Variants in SYTL5 observed in about 807,000 individuals in gnomAD.
SYTL5 encodes the protein synaptotagmin like 5.
Under a neutral mutation model 55.9 loss-of-function variants are expected in SYTL5, and 34 were observed. The observed-to-expected ratio is 0.61, with a 90% CI of 0.46 to 0.81. The LOEUF is 0.81. Ranked by LOEUF, SYTL5 falls within the 30% of genes least tolerant of loss-of-function variation. SYTL5 has a pLI of 0.00. For missense variants in SYTL5, 637 were observed against 546.7 expected (o/e 1.17, Z -1.65); for synonymous variants, 221 against 188.7 (o/e 1.17, Z -1.40).
intron 2 of SYTL5, among the ~76,000 whole-genome samples, chrX:38,038,485 A>G (rs1270224282): frequency 8.9e-6 from 1 of 112,427 alleles, no homozygotes; most frequent in Non-Finnish European, 1.9e-5. Flanking sequence ...TTATTACAAC[A>G]GTAAACTTTG....
At position 38,107,791 on chromosome X, in the gene SYTL5, G is replaced by C. The variant is rs1362343745; in HGVS notation, c.1335-809G>C. Among the ~76,000 whole-genome samples, 3 of 111,865 alleles carry C rather than the reference G, an allele frequency of 2.7e-5. No homozygotes were observed. The Admixed American group carries it at 2.8e-4, about 11-fold the overall frequency. The stretch of plus-strand genomic sequence containing the variant: ...AATGAGTGGATTTTGACTACAGATT[G>C]GTCCACCTGCCTCCTCAGCTACATT... On this transcript the variant is annotated intron_variant, in intron 11 of 16. Transcript: ENST00000297875.
the SYTL5 span, among the ~76,000 whole-genome samples, chrX:37,900,796 G>A: frequency 9.0e-6 from 1 of 111,063 alleles, no homozygotes; most frequent in African/African-American, 3.3e-5. Flanking sequence ...GGCAGGTAGT[G>A]TATTCTTATT....
the SYTL5 span, among the ~76,000 whole-genome samples, chrX:37,976,932 C>T: frequency 9.0e-6 from 1 of 111,121 alleles, no homozygotes; most frequent in Non-Finnish European, 1.9e-5. Context: ...CCACCGCACT[C>T]CAACCTGGGC....
At chrX:38,113,496 G>A (rs986156525) in intron 13 of SYTL5, among the ~76,000 whole-genome samples, 1 of 111,257 alleles carries the variant, frequency 9.0e-6, no homozygotes, top group African/African-American at 3.3e-5. Context: ...TTCTCACTCC[G>A]ATGGAAAGTG....
At chrX:37,928,804 T>G in the SYTL5 span, among the ~76,000 whole-genome samples, 2 of 112,635 alleles carry the variant, frequency 1.8e-5, no homozygotes, top group East Asian at 5.5e-4. Flanking sequence ...TCATTAAATT[T>G]TATTTTTTCT....
the SYTL5 span, among the ~76,000 whole-genome samples, chrX:37,897,819 C>T: frequency 2.7e-5 from 3 of 111,851 alleles, no homozygotes; most frequent in East Asian, 2.8e-4. Flanking sequence ...GTCTGGAGGC[C>T]GGGCACGGTG....
chrX:38,038,440 C>T (rs1289357593), intron 2 of SYTL5, among the ~76,000 whole-genome samples: 1 of 111,911 alleles, frequency 8.9e-6, no homozygotes, highest in Non-Finnish European at 1.9e-5. Flanking sequence ...TCCTCCAAAA[C>T]CATCAATACA....
the SYTL5 span, among the ~76,000 whole-genome samples, chrX:37,982,908 A>G: frequency 1.7e-3 from 185 of 111,607 alleles, no homozygotes; most frequent in African/African-American, 5.7e-3. Flanking sequence ...AATATATAAT[A>G]ATAAGACCAT....
intron 5 of SYTL5, among the ~76,000 whole-genome samples, chrX:38,075,753 T>C (rs1936375317): frequency 8.9e-6 from 1 of 112,277 alleles, no homozygotes; most frequent in Non-Finnish European, 1.9e-5. Flanking sequence ...TCTATTAAGA[T>C]TGTGCCAGTA....
Position 38,045,272 on chromosome X carries a change from C to T in SYTL5, c.120-8941C>T, listed in dbSNP as rs189965083. Among the ~76,000 whole-genome samples the T allele has an allele frequency of 2.1e-3, 237 of 112,205 alleles. 1 individual carries two copies. The highest frequency in any genetic ancestry group is 7.3e-3 in the African/African-American group (226 of 30,946). On this transcript the variant is annotated intron_variant, in intron 2 of 16. Transcript: ENST00000297875. ...AAGAATTCAGAATGAATGCTTGAGT[C>T]ATTGTCCCTTTGCATATATGAGCAC...
chrX:37,915,147 T>C, the SYTL5 span, among the ~76,000 whole-genome samples: 4 of 111,545 alleles, frequency 3.6e-5, no homozygotes, highest in African/African-American at 1.3e-4. Flanking sequence ...CCTTGTTTCG[T>C]GTGTGTGTGT....
At chrX:37,945,308 A>G in the SYTL5 span, among the ~76,000 whole-genome samples, 2 of 112,063 alleles carry the variant, frequency 1.8e-5, no homozygotes, top group African/African-American at 6.5e-5. Flanking sequence ...AAGATTTGAT[A>G]CTAACTTTAT....
intron 11 of SYTL5, among the ~76,000 whole-genome samples, chrX:38,108,223 T>C (rs1473707282): frequency 1.8e-5 from 2 of 111,986 alleles, no homozygotes; most frequent in Non-Finnish European, 1.9e-5. Flanking sequence ...TCCTTGGATG[T>C]GTCAACTAAT....
chrX:37,990,356 G>T, the SYTL5 span, among the ~76,000 whole-genome samples: 62 of 111,724 alleles, frequency 5.5e-4, no homozygotes, highest in African/African-American at 1.9e-3. Context: ...TTGTGTAAAT[G>T]GAGGCAAAAC....
the SYTL5 span, chrX:37,991,325 G>T: frequency 9.7e-7 from 1 of 1,032,313 alleles, no homozygotes. Context: ...GTATGTTTCT[G>T]ACTCCTCTCA....
At chrX:37,909,027 G>A in the SYTL5 span, among the ~76,000 whole-genome samples, 2 of 110,814 alleles carry the variant, frequency 1.8e-5, no homozygotes, top group Non-Finnish European at 3.8e-5. Flanking sequence ...CCTAGGGAGA[G>A]GTAGTGGCAC....
intron 2 of SYTL5, among the ~76,000 whole-genome samples, chrX:38,039,865 A>T (rs7888699): frequency 0.29 from 31,947 of 110,774 alleles, 6,382 homozygotes; most frequent in African/African-American, 0.72. Flanking sequence ...CTCAAAAAAA[A>T]TTTTTTTTAT....
intron 2 of SYTL5, among the ~76,000 whole-genome samples, chrX:38,051,184 T>A (rs1298677674): frequency 9.0e-6 from 1 of 111,607 alleles, no homozygotes; most frequent in Non-Finnish European, 1.9e-5. Flanking sequence ...CTATCTCCTA[T>A]CTGTAGACAG....
intron 6 of SYTL5, among the ~76,000 whole-genome samples, chrX:38,077,171 G>A (rs1602372749): frequency 9.0e-6 from 1 of 111,330 alleles, no homozygotes; most frequent in Non-Finnish European, 1.9e-5. Context: ...GAGATTATCA[G>A]TGGAGCCAAT....
Sources: allele counts gnomAD v4.1 joint callset (sites outside exome capture counted in the v4.1 genomes callset), GRCh38; gene constraint gnomAD v4.1.1; transcripts MANE v1.5; gene names NCBI Gene and HGNC (gene_info 2026-07-23, HGNC 2026-07-21).